Variants in IQCJ observed in about 807,000 individuals in gnomAD.
IQCJ encodes IQ motif containing J, also known as IQ domain-containing protein J.
In IQCJ, 9 loss-of-function variants were observed where a neutral mutation model predicts 11.0. That is an observed-to-expected ratio of 0.82 (90% confidence interval 0.49 to 1.43). The LOEUF (loss-of-function observed/expected upper bound fraction) is 1.43. Ranked by LOEUF, IQCJ falls within the 40% of genes most tolerant of loss-of-function variation. The pLI is 0.00. For missense variants in IQCJ, 146 were observed against 133.2 expected, an observed-to-expected ratio of 1.10 and a Z score of -0.47; for synonymous variants, 55 against 51.3, an observed-to-expected ratio of 1.07 and a Z score of -0.31.
At chr3:159,103,511 C>T (rs1718060464) in intron 1 of IQCJ, among the ~76,000 whole-genome samples, 1 of 152,210 alleles carries the variant, frequency 6.6e-6, no homozygotes, top group Non-Finnish European at 1.5e-5. Context: ...ACATTCTGCT[C>T]ATCTAAAGAG....
intron 1 of IQCJ, among the ~76,000 whole-genome samples, chr3:159,150,943 C>T (rs535408262): frequency 7.2e-5 from 11 of 152,262 alleles, no homozygotes; most frequent in African/African-American, 1.2e-4. Context: ...TATTGCAGCC[C>T]GTGCCATCCC....
chr3:159,075,316 A>T (rs1241356275), intron 1 of IQCJ, among the ~76,000 whole-genome samples: 1 of 152,134 alleles, frequency 6.6e-6, no homozygotes, highest in Non-Finnish European at 1.5e-5. Flanking sequence ...TAGGAATATT[A>T]CATTAGTATC....
At chr3:159,074,869 C>G (rs1279936828) in intron 1 of IQCJ, among the ~76,000 whole-genome samples, 1 of 152,074 alleles carries the variant, frequency 6.6e-6, no homozygotes, top group Non-Finnish European at 1.5e-5. Flanking sequence ...CAGAGGCTGA[C>G]AAGACTGGCC....
rs1039538828 is a variant in IQCJ, at chr3:159,193,733, A to C, written c.10-52110A>C. On this transcript the variant is annotated intron_variant, in intron 1 of 3. Coordinates refer to ENST00000397832, the MANE Select transcript of IQCJ (RefSeq NM_001042706.3). The stretch of plus-strand genomic sequence containing the variant: ...ATGTAATCAACTTGCCACCAGTTGG[A>C]TATTTGGTCTTCTCAAGGGATAGTG... Among the ~76,000 whole-genome samples the C allele has an allele frequency of 3.3e-5, 5 of 152,298 alleles. 1 individual carries two copies. The highest frequency in any genetic ancestry group is 1.9e-4 in the East Asian group (1 of 5,180).
chr3:159,200,980 A>G (rs1003230455), intron 1 of IQCJ, among the ~76,000 whole-genome samples: 1 of 151,782 alleles, frequency 6.6e-6, no homozygotes, highest in Non-Finnish European at 1.5e-5. Flanking sequence ...GTTTCCCTGT[A>G]TAGATTAATG....
At chr3:159,113,584 A>G (rs1014760353) in intron 1 of IQCJ, among the ~76,000 whole-genome samples, 10 of 152,242 alleles carry the variant, frequency 6.6e-5, no homozygotes, top group African/African-American at 1.9e-4. Context: ...TACTGAGTTC[A>G]AAGATAGCTC....
intron 1 of IQCJ, among the ~76,000 whole-genome samples, chr3:159,158,431 T>C (rs562139849): frequency 3.9e-5 from 6 of 152,320 alleles, no homozygotes; most frequent in South Asian, 4.1e-4. Context: ...AGTGGTGTCA[T>C]TGGTCTTCCT....
intron 1 of IQCJ, among the ~76,000 whole-genome samples, chr3:159,134,781 G>A (rs1399459511): frequency 6.6e-6 from 1 of 152,092 alleles, no homozygotes; most frequent in African/African-American, 2.4e-5. Flanking sequence ...GACCCTATAA[G>A]CAATTGGAAA....
At chr3:159,105,998 C>A (rs1388003377) in intron 1 of IQCJ, among the ~76,000 whole-genome samples, 1 of 152,078 alleles carries the variant, frequency 6.6e-6, no homozygotes, top group Non-Finnish European at 1.5e-5. Flanking sequence ...ATTTCAACAG[C>A]CTGAAGTTGT....
chr3:159,255,587 C>T lies in IQCJ; in HGVS notation c.155+2780C>T, dbSNP rs188789659. 2.3e-3 allele frequency among the ~76,000 whole-genome samples: 346 copies of T among 152,240 alleles called. 2 individuals are homozygous for T. Among genetic ancestry groups the T allele is most frequent in the African/African-American group, 7.9e-3 (330 of 41,528 alleles). Reference sequence around the variant, plus strand: ...TCAGTGGCAGGAGGCAGAGGCCTGTCAGAAAGTGTGGCTCAGTGAAAAAAT... The same window carrying T: ...TCAGTGGCAGGAGGCAGAGGCCTGTTAGAAAGTGTGGCTCAGTGAAAAAAT... On this transcript the variant is annotated intron_variant, in intron 3 of 3. Coordinates refer to ENST00000397832, the MANE Select transcript of IQCJ (RefSeq NM_001042706.3).
At position 159,221,718 on chromosome 3, in the gene IQCJ, A is replaced by C. The variant is rs567507024; in HGVS notation, c.10-24125A>C. ...TCAACCCCTTAAGCCTTACCAGTGC[A>C]GTTTTAAAAAGCAGTTTTAACTCCA... On this transcript the variant is annotated intron_variant, in intron 1 of 3. Coordinates refer to ENST00000397832, the MANE Select transcript of IQCJ (RefSeq NM_001042706.3). 1.1e-4 allele frequency among the ~76,000 whole-genome samples: 16 copies of C among 152,210 alleles called. No individual in the cohort carries two copies. In the East Asian group the frequency reaches 2.7e-3, roughly 26 times the overall value.
At chr3:159,243,514 G>A (rs368201320) in intron 1 of IQCJ, among the ~76,000 whole-genome samples, 181 of 152,248 alleles carry the variant, frequency 1.2e-3, no homozygotes, top group Admixed American at 2.0e-3. Context: ...AATTAAGCTG[G>A]ACACAAAAGA....
intron 1 of IQCJ, among the ~76,000 whole-genome samples, chr3:159,179,929 T>A (rs1057210609): frequency 1.7e-4 from 26 of 151,984 alleles, no homozygotes; most frequent in African/African-American, 6.0e-4. Flanking sequence ...TACAAGGGGC[T>A]CTGAGAAAAG....
chr3:159,174,243 A>C (rs1013622018), intron 1 of IQCJ, among the ~76,000 whole-genome samples: 3 of 152,112 alleles, frequency 2.0e-5, no homozygotes, highest in African/African-American at 7.2e-5. Flanking sequence ...GATTTCTCTA[A>C]AGATTTTAAG....
intron 1 of IQCJ, among the ~76,000 whole-genome samples, chr3:159,131,778 A>G (rs889507821): frequency 6.6e-6 from 1 of 152,148 alleles, no homozygotes; most frequent in Admixed American, 6.5e-5. Flanking sequence ...GTGGGAAGGG[A>G]TTAAATTTAA....
chr3:159,207,922 G>C (rs573083846), intron 1 of IQCJ, among the ~76,000 whole-genome samples: 38 of 152,150 alleles, frequency 2.5e-4, no homozygotes, highest in Non-Finnish European at 4.0e-4. Context: ...GACTTCATTT[G>C]TACACATTCG....
downstream of IQCJ, chr3:159,265,106 T>C: frequency 1.2e-6 from 1 of 839,774 alleles, no homozygotes; most frequent in Non-Finnish European, 1.9e-6. Context: ...TCCAAGTCTC[T>C]GGTTTGTCAC....
At chr3:159,079,003 C>T (rs1216140980) in intron 1 of IQCJ, among the ~76,000 whole-genome samples, 1 of 152,096 alleles carries the variant, frequency 6.6e-6, no homozygotes, top group Non-Finnish European at 1.5e-5. Flanking sequence ...GGGTCCAGGT[C>T]ATTGTGGCAG....
chr3:159,174,493 TATTTC>T (rs1267454765), intron 1 of IQCJ, among the ~76,000 whole-genome samples: 2 of 152,160 alleles, frequency 1.3e-5, no homozygotes, highest in African/African-American at 4.8e-5. Flanking sequence ...TTGTCATAAA[TATTTC>T]AAATCATTTT....
Sources: allele counts gnomAD v4.1 joint callset (sites outside exome capture counted in the v4.1 genomes callset), GRCh38; gene constraint gnomAD v4.1.1; transcripts MANE v1.5; gene names NCBI Gene and HGNC (gene_info 2026-07-23, HGNC 2026-07-21).